Variants in SLC2A3 observed in about 807,000 individuals in gnomAD.
SLC2A3 encodes the protein solute carrier family 2, facilitated glucose transporter member 3.
Under a neutral mutation model 46.4 loss-of-function variants are expected in SLC2A3, and 21 were observed. The observed-to-expected ratio is 0.45, with a 90% CI of 0.32 to 0.65. The LOEUF is 0.65. Among genes scored for constraint, SLC2A3 ranks in the 30% least tolerant of loss-of-function variants. The pLI, the probability that SLC2A3 is intolerant of heterozygous loss-of-function variation, is 0.04. For synonymous variants in SLC2A3, 213 were observed against 239.4 expected (o/e 0.89, Z 1.02); for missense variants, 499 against 623.3 (o/e 0.80, Z 2.12).
chr12:7,933,474 C>A (rs1416857855), intron 2 of SLC2A3: 31 of 464,478 alleles, frequency 6.7e-5, no homozygotes, highest in African/African-American at 4.3e-4. Flanking sequence ...AAGAACAGCA[C>A]CGCCCAGCGT....
chr12:7,923,633 G>A (rs890896754), intron 8 of SLC2A3, among the ~76,000 whole-genome samples: 1 of 151,650 alleles, frequency 6.6e-6, no homozygotes, highest in African/African-American at 2.4e-5. Flanking sequence ...ATTTTTTTTT[G>A]TTTTTTTGTA....
Position 7,922,905 on chromosome 12 carries a change from G to C in SLC2A3, c.1188C>G (p.Gly396=). The C allele has an allele frequency of 1.2e-6, 2 of 1,614,174 alleles. No homozygotes were observed. Among genetic ancestry groups the C allele is most frequent in the Non-Finnish European group, 1.7e-6 (2 of 1,180,024 alleles). Residue 396 remains glycine, a synonymous_variant, in exon 9 of 10, where the codon GGC becomes GGG. Transcript: ENST00000075120. ...WFIVAELFSQ[G]PRPAAMAVAG... Reference sequence around the variant, plus strand: ...CCACTGCCATCGCAGCTGGGCGGGGGCCCTGGCTGAAGAGTTCGGCCACAA... The same window carrying C: ...CCACTGCCATCGCAGCTGGGCGGGGCCCCTGGCTGAAGAGTTCGGCCACAA...
intron 9 of SLC2A3, among the ~76,000 whole-genome samples, chr12:7,922,191 C>T (rs767064688): frequency 9.9e-5 from 15 of 151,862 alleles, no homozygotes; most frequent in Non-Finnish European, 1.2e-4. Context: ...TGTGATCTCG[C>T]TCACTGGGAT....
Position 7,927,782 on chromosome 12 carries a change from A to G in SLC2A3, c.862-1834T>C, listed in dbSNP as rs117890153. Among the ~76,000 whole-genome samples, 1,243 of 152,230 alleles carry G rather than the reference A, an allele frequency of 8.2e-3. 14 individuals carry two copies. Among genetic ancestry groups the G allele is most frequent in the Non-Finnish European group, 0.014 (977 of 68,004 alleles). ...AAATTGGGAGCCAGCTTAGTCCAAC[A>G]ATAATTAATGTACATGCCGGGCGAG... On this transcript the variant is annotated intron_variant, in intron 6 of 9. Coordinates refer to ENST00000075120, the MANE Select transcript of SLC2A3 (RefSeq NM_006931.3).
chr12:7,928,962 CA>C (rs1946123730), intron 6 of SLC2A3, among the ~76,000 whole-genome samples: 1 of 151,888 alleles, frequency 6.6e-6, no homozygotes, highest in South Asian at 2.1e-4. Context: ...CTTGGCTCCT[CA>C]TAGATTCTGA....
chr12:7,925,807 T>TCAAAA (rs1470680712), intron 7 of SLC2A3, 37 bp downstream of exon 7: 4 of 1,492,296 alleles, frequency 2.7e-6, no homozygotes, highest in Non-Finnish European at 3.7e-6. Flanking sequence ...GCAAGGATTC[T>TCAAAA]TTTCTCCCCT....
At chr12:7,930,381 G>C in intron 5 of SLC2A3, 99 bp downstream of exon 5, 1 of 1,240,000 alleles carries the variant, frequency 8.1e-7, no homozygotes, top group Non-Finnish European at 1.1e-6. Flanking sequence ...GATTCTGAGA[G>C]GCAGGGAAAG....
At position 7,932,941 on chromosome 12, in the gene SLC2A3, A is replaced by G. The variant is rs773714600; in HGVS notation, c.269+46T>C. The G allele has an allele frequency of 4.5e-5, 72 of 1,608,872 alleles. No homozygotes were observed. In the South Asian group the frequency reaches 6.9e-4, roughly 16 times the overall value. On this transcript the variant is annotated intron_variant, in intron 3 of 9. Coordinates refer to ENST00000075120, the MANE Select transcript of SLC2A3 (RefSeq NM_006931.3). Reference sequence around the variant, plus strand: ...CCCTAACTCTCCACACTTGTCCTCAATGTGGCTGGTAGAGCCCACTTCCTT... The same window carrying G: ...CCCTAACTCTCCACACTTGTCCTCAGTGTGGCTGGTAGAGCCCACTTCCTT...
Position 7,930,492 on chromosome 12 carries a change from TCTC to T in SLC2A3, c.658_660del (p.Glu220del), listed in dbSNP as rs1946140778. ...GAAGGATACTCACTCTGCTTAGCATTCTCCTCTTCTTTTCTGTTAATGAGCAAA... is the reference window on the plus strand; with the variant it reads ...GAAGGATACTCACTCTGCTTAGCATTCTCTTCTTTTCTGTTAATGAGCAAA... On this transcript the variant is annotated inframe_deletion, in exon 5 of 10. Coordinates refer to ENST00000075120, the MANE Select transcript of SLC2A3 (RefSeq NM_006931.3). The T allele has an allele frequency of 1.9e-6, 3 of 1,613,300 alleles. No homozygotes were observed. The highest frequency in any genetic ancestry group is 1.1e-5 in the South Asian group (1 of 91,062).
rs112635725 is a variant in SLC2A3, at chr12:7,929,982, T to A, written c.674-111A>T. ...GCACGAGGTGAGGTGATGGGTAGCA[T>A]CCATTCCTTTTTTTTTTTTTGAGAC... is the stretch of plus-strand genomic sequence containing the variant. On this transcript the variant is annotated intron_variant, in intron 5 of 9. Coordinates refer to ENST00000075120, the MANE Select transcript of SLC2A3 (RefSeq NM_006931.3). 1.5e-3 allele frequency: 2,259 copies of A among 1,504,146 alleles called. 27 individuals carry two copies. The African/African-American group carries it at 0.027, about 18-fold the overall frequency. 93.2% of individuals were successfully genotyped at this position (1,504,146 alleles called of 1,614,324 possible).
At chr12:7,930,986 T>C (rs1010987281) in intron 4 of SLC2A3, among the ~76,000 whole-genome samples, 16 of 151,866 alleles carry the variant, frequency 1.1e-4, no homozygotes, top group Non-Finnish European at 1.6e-4. Context: ...TTAGTAGAGA[T>C]GGGGTTTCAC....
In SLC2A3 at chr12:7,922,770, C is replaced by A. The variant is rs1275097787; in HGVS notation, c.1272+51G>T. 3.7e-6 allele frequency: 6 copies of A among 1,610,952 alleles called. No individual in the cohort carries two copies. The African/African-American group carries it at 6.7e-5, about 18-fold the overall frequency. ...AGACTACTGTATTATTAAGGAGTAT[C>A]TTCATGTCAGCTTACATAGGCTGGT... On this transcript the variant is annotated intron_variant, in intron 9 of 9. Coordinates refer to ENST00000075120, the MANE Select transcript of SLC2A3 (RefSeq NM_006931.3).
rs190259134 is a variant in SLC2A3, at chr12:7,935,668, A to G, written c.15+352T>C. Among the ~76,000 whole-genome samples the G allele has an allele frequency of 3.0e-3, 456 of 152,172 alleles. 1 individual carries two copies. The highest frequency in any genetic ancestry group is 6.2e-3 in the African/African-American group (257 of 41,536). On this transcript the variant is annotated intron_variant, in intron 1 of 9. Coordinates refer to ENST00000075120, the MANE Select transcript of SLC2A3 (RefSeq NM_006931.3). ...CCTTTTCAAGGTCTAATGCTTCCAG[A>G]GAAGTCTTCACACTGGCTCTGAGAC...
rs775703504 is a variant in SLC2A3 at position 7,929,717 on chromosome 12, G to A, written c.828C>T (p.Leu276=). 9 of 1,613,248 alleles carry A rather than the reference G, an allele frequency of 5.6e-6. No homozygotes were observed. The highest frequency in any genetic ancestry group is 5.9e-6 in the Non-Finnish European group (7 of 1,179,596). The change falls in exon 6 of 10, where the codon CTC becomes CTT. Residue 276 remains leucine, a synonymous_variant. Coordinates refer to ENST00000075120, the MANE Select transcript of SLC2A3 (RefSeq NM_006931.3). ...YRQPIIISIV[L]QLSQQLSGIN... is the part of the protein sequence containing the mutation. Reference sequence around the variant, plus strand: ...TCCCAGAGAGCTGCTGAGAGAGCTGGAGCACAATGGAAATGATGATGGGCT... The same window carrying A: ...TCCCAGAGAGCTGCTGAGAGAGCTGAAGCACAATGGAAATGATGATGGGCT...
At chr12:7,931,173 G>A in intron 4 of SLC2A3, 72 bp downstream of exon 4, 5 of 1,589,682 alleles carry the variant, frequency 3.1e-6, no homozygotes, top group Non-Finnish European at 4.3e-6. Context: ...ATTCTTCAGT[G>A]CTTTACCTAT....
At chr12:7,935,921 G>A in intron 1 of SLC2A3, 99 bp downstream of exon 1, 1 of 1,018,996 alleles carries the variant, frequency 9.8e-7, no homozygotes, top group Non-Finnish European at 1.6e-6. Context: ...ATAGCTTGGT[G>A]ACTTAGGAGA....
Position 7,936,164 on chromosome 12 carries a change from A to G in SLC2A3, c.-130T>C. On this transcript the variant is annotated 5_prime_UTR_variant, in exon 1 of 10. Coordinates refer to ENST00000075120, the MANE Select transcript of SLC2A3 (RefSeq NM_006931.3). ...TCTCCACGTCCTCAGGAAGGATCCAAAGTCTTACCATTACAGCATCTCTGG... is the reference window on the plus strand; with the variant it reads ...TCTCCACGTCCTCAGGAAGGATCCAGAGTCTTACCATTACAGCATCTCTGG... 1 of 792,064 alleles carries G rather than the reference A, an allele frequency of 1.3e-6. No individual in the cohort carries two copies. The highest frequency in any genetic ancestry group is 1.4e-5 in the South Asian group (1 of 73,892). 49.1% of individuals were successfully genotyped at this position (792,064 alleles called of 1,614,324 possible). A position where few individuals can be genotyped will look rare whatever the true frequency, so the allele number is the denominator to read the frequency against.
At chr12:7,921,959 A>C (rs1290609963) in intron 9 of SLC2A3, among the ~76,000 whole-genome samples, 1 of 152,028 alleles carries the variant, frequency 6.6e-6, no homozygotes, top group Non-Finnish European at 1.5e-5. Flanking sequence ...TTGGGAGGTC[A>C]AGGTGGGAGG....
chr12:7,933,858 G>A lies in SLC2A3; in HGVS notation c.60C>T (p.Gly20=). Residue 20 remains glycine (G), a synonymous_variant, in exon 2 of 10, where the codon GGC becomes GGT. Coordinates refer to ENST00000075120, the MANE Select transcript of SLC2A3 (RefSeq NM_006931.3). ...LIFAITVATI[G]SFQFGYNTGV... ...CAGTGTTGTAGCCAAATTGGAAAGAGCCGATTGTAGCAACTGTGATGGCAA... is the reference window on the plus strand; with the variant it reads ...CAGTGTTGTAGCCAAATTGGAAAGAACCGATTGTAGCAACTGTGATGGCAA... 2 of 1,614,084 alleles carry A rather than the reference G, an allele frequency of 1.2e-6. No individual in the cohort carries two copies. The highest frequency in any genetic ancestry group is 1.7e-6 in the Non-Finnish European group (2 of 1,179,992).
Sources: allele counts gnomAD v4.1 joint callset (sites outside exome capture counted in the v4.1 genomes callset), GRCh38; gene constraint gnomAD v4.1.1; transcripts MANE v1.5; gene names NCBI Gene and HGNC (gene_info 2026-07-23, HGNC 2026-07-21).